Variants in ATXN7 observed in about 807,000 individuals in gnomAD.
ATXN7 encodes ataxin 7.
A neutral mutation model predicts 70.5 loss-of-function variants in ATXN7; 12 were observed. The observed-to-expected ratio is 0.17, with a 90% CI of 0.11 to 0.28. The LOEUF (loss-of-function observed/expected upper bound fraction) is 0.28, where lower values mean the gene tolerates loss of function less well. Among genes scored for constraint, ATXN7 ranks in the 10% least tolerant of loss-of-function variants. The probability of loss-of-function intolerance (pLI) is 1.00; values close to 1 mark genes in which losing one functional copy is unlikely to be tolerated. For synonymous variants in ATXN7, 498 were observed against 448.7 expected (o/e 1.11, Z -1.39); for missense variants, 1,256 against 1,131.7 (o/e 1.11, Z -1.58).
At chr3:63,940,057 A>G (rs1318335393) in intron 4 of ATXN7, among the ~76,000 whole-genome samples, 1 of 152,102 alleles carries the variant, frequency 6.6e-6, no homozygotes, top group Non-Finnish European at 1.5e-5. Flanking sequence ...AAAAAAGTAA[A>G]TAGGAAACAC....
chr3:63,985,604 A>G (rs2075564488), intron 8 of ATXN7, among the ~76,000 whole-genome samples: 1 of 152,182 alleles, frequency 6.6e-6, no homozygotes, highest in African/African-American at 2.4e-5. Context: ...TCTTAGACTT[A>G]GAACGTTATC....
At chr3:63,915,817 G>T (rs1704240804) in intron 4 of ATXN7, among the ~76,000 whole-genome samples, 1 of 151,864 alleles carries the variant, frequency 6.6e-6, no homozygotes, top group Admixed American at 6.6e-5. Flanking sequence ...TTGTAGCTGG[G>T]ATTACAGGCA....
intron 4 of ATXN7, among the ~76,000 whole-genome samples, chr3:63,942,954 A>G (rs59415916): frequency 0.016 from 2,402 of 152,258 alleles, 51 homozygotes; most frequent in African/African-American, 0.053. Context: ...GCCATTCTCA[A>G]ATTTTTTTGT....
At chr3:63,953,269 C>T (rs2074986339) in intron 5 of ATXN7, among the ~76,000 whole-genome samples, 2 of 152,134 alleles carry the variant, frequency 1.3e-5, no homozygotes, top group Non-Finnish European at 2.9e-5. Context: ...GGAGGTGACA[C>T]TGGAGCTGAG....
chr3:63,876,092 A>T (rs546949713), intron 1 of ATXN7, among the ~76,000 whole-genome samples: 13 of 152,218 alleles, frequency 8.5e-5, no homozygotes, highest in African/African-American at 9.6e-5. Flanking sequence ...TTCCTCTTGC[A>T]TTTTTAGTTT....
At position 64,003,229 on chromosome 3, in the gene ATXN7, T is replaced by TTTTTTTTTTTTTTTTA. The variant is rs869110728; in HGVS notation, c.*3762_*3763insTTTTTTTTTTTTTTTA. ...GCTTTTTTTTTTTTTTTTTTTTTTT[T>TTTTTTTTTTTTTTTTA]GAGCTTGGTTATAAAAGCAATCTCC... On this transcript the variant is annotated 3_prime_UTR_variant, in exon 13 of 13. Transcript: ENST00000674280. The TTTTTTTTTTTTTTTTA allele has an allele frequency of 7.6e-6, 1 of 131,460 alleles. No individual in the cohort carries two copies. Among genetic ancestry groups the TTTTTTTTTTTTTTTTA allele is most frequent in the Non-Finnish European group, 1.6e-5 (1 of 63,536 alleles). 8.1% of individuals were successfully genotyped at this position (131,460 alleles called of 1,614,324 possible). A position where few individuals can be genotyped will look rare whatever the true frequency, so the allele number is the denominator to read the frequency against.
chr3:63,961,700 GA>G (rs2075135155), intron 5 of ATXN7, among the ~76,000 whole-genome samples: 1 of 151,726 alleles, frequency 6.6e-6, no homozygotes, highest in Non-Finnish European at 1.5e-5. Context: ...AAAACAGTTG[GA>G]AATTTTTTTT....
chr3:63,968,866 G>A (rs141089890), intron 5 of ATXN7, among the ~76,000 whole-genome samples: 1 of 152,264 alleles, frequency 6.6e-6, no homozygotes, highest in Non-Finnish European at 1.5e-5. Context: ...GTGTAATAAT[G>A]AGCTTGACCG....
At chr3:63,877,921 G>A (rs1405355049) in intron 1 of ATXN7, among the ~76,000 whole-genome samples, 2 of 152,200 alleles carry the variant, frequency 1.3e-5, no homozygotes, top group Non-Finnish European at 2.9e-5. Context: ...ATAAGCATAT[G>A]CCAGTCCTCT....
chr3:63,995,474 G>T (rs775458828), intron 11 of ATXN7, 31 bp from the exon 12 acceptor site: 6 of 1,611,900 alleles, frequency 3.7e-6, no homozygotes, highest in South Asian at 1.1e-5. Context: ...GCTGTGGTCA[G>T]TGTCATTCAC....
chr3:63,942,945 C>G (rs2074795432), intron 4 of ATXN7, among the ~76,000 whole-genome samples: 1 of 152,174 alleles, frequency 6.6e-6, no homozygotes. Flanking sequence ...ATTCCAGAGG[C>G]CATTCTCAAA....
In ATXN7 at chr3:63,996,344, C is replaced by G; in HGVS notation, c.2522C>G (p.Pro841Arg). 1.2e-6 allele frequency: 2 copies of G among 1,614,138 alleles called. No individual in the cohort carries two copies. Among genetic ancestry groups the G allele is most frequent in the African/African-American group, 1.3e-5 (1 of 75,034 alleles). ...ATAGGAAAGAAAAGAAAGTGCTCAC[C>G]CAGCTCGAGCAGCATCAACAACAGC... ...KLIGKKRKCSPSSSSINNSSS... is the reference protein window; with the variant it reads ...KLIGKKRKCSRSSSSINNSSS... The change falls in exon 12 of 13, where the codon CCC becomes CGC. Residue 841 changes from proline (P) to arginine (R), a missense_variant. Physicochemically the swap from Pro to Arg is moderately radical, Grantham distance 103. Transcript: ENST00000674280.
At chr3:63,978,964 T>C (rs1015523541) in intron 5 of ATXN7, among the ~76,000 whole-genome samples, 13 of 152,246 alleles carry the variant, frequency 8.5e-5, no homozygotes, top group African/African-American at 2.9e-4. Flanking sequence ...TTGGATCACA[T>C]GCATTTTAAA....
intron 4 of ATXN7, 74 bp from the exon 5 acceptor site, chr3:63,952,305 A>G: frequency 3.6e-6 from 4 of 1,109,812 alleles, no homozygotes; most frequent in Non-Finnish European, 5.2e-6. Flanking sequence ...ACTCCTTTAG[A>G]AAGTAGTTTC....
intron 4 of ATXN7, among the ~76,000 whole-genome samples, chr3:63,918,196 C>CG (rs1333045768): frequency 2.6e-5 from 4 of 152,138 alleles, no homozygotes; most frequent in African/African-American, 9.6e-5. Context: ...AACAAACAAA[C>CG]AAACAAAACA....
chr3:63,996,858 T>C (rs1490575040), intron 12 of ATXN7, among the ~76,000 whole-genome samples: 1 of 152,196 alleles, frequency 6.6e-6, no homozygotes, highest in African/African-American at 2.4e-5. Context: ...CATTCGAGGC[T>C]TTAAGGAAGG....
intron 2 of ATXN7, among the ~76,000 whole-genome samples, chr3:63,908,189 C>T (rs898468509): frequency 6.6e-6 from 1 of 152,170 alleles, no homozygotes; most frequent in Non-Finnish European, 1.5e-5. Context: ...CACTTGATTG[C>T]TATGAATTCC....
At chr3:63,939,831 G>A (rs754941959) in intron 4 of ATXN7, among the ~76,000 whole-genome samples, 38 of 152,088 alleles carry the variant, frequency 2.5e-4, no homozygotes, top group Admixed American at 1.1e-3. Flanking sequence ...AATGGGTTTG[G>A]AACTCCCCCA....
chr3:63,968,335 C>A, intron 5 of ATXN7: 1 of 215,300 alleles, frequency 4.6e-6, no homozygotes. Context: ...TTAACTCCAA[C>A]AAAATGCTGA....
Sources: gnomAD v4.1 joint callset for allele counts (sites outside exome capture counted in the v4.1 genomes callset) on GRCh38, gnomAD v4.1.1 for gene constraint, MANE v1.5 for transcripts, NCBI Gene and HGNC (gene_info 2026-07-23, HGNC 2026-07-21) for gene names.